OPCML: variants seen among roughly 807,000 people sequenced by gnomAD.
OPCML encodes opioid-binding protein/cell adhesion molecule.
OPCML carries 13 observed loss-of-function variants against 37.8 expected under a neutral mutation model. The observed-to-expected ratio is 0.34, with a 90% CI of 0.22 to 0.55. OPCML has a LOEUF of 0.55. Among genes scored for constraint, OPCML ranks in the 20% least tolerant of loss-of-function variants. The pLI, the probability that OPCML is intolerant of heterozygous loss-of-function variation, is 0.91. For synonymous variants in OPCML, 176 were observed against 168.8 expected, an observed-to-expected ratio of 1.04 and a Z score of -0.33; for missense variants, 341 against 435.6, an observed-to-expected ratio of 0.78 and a Z score of 1.93.
intron 1 of OPCML, among the ~76,000 whole-genome samples, chr11:133,043,368 C>G (rs1031357773): frequency 2.6e-5 from 4 of 152,174 alleles, no homozygotes; most frequent in African/African-American, 9.7e-5. Flanking sequence ...TTCTCATTAC[C>G]TCCGCCTTTG....
Position 133,006,740 on chromosome 11 carries a change from G to T in OPCML, c.62-63730C>A, listed in dbSNP as rs537830613. 1.2e-4 allele frequency: 117 copies of T among 985,430 alleles called. No homozygotes were observed. In the African/African-American group the frequency reaches 1.9e-3, roughly 16 times the overall value. 61.0% of individuals were successfully genotyped at this position (985,430 alleles called of 1,614,324 possible). On this transcript the variant is annotated intron_variant, in intron 1 of 7. Coordinates refer to ENST00000524381, the MANE Select transcript of OPCML (RefSeq NM_001012393.5). ...AGCACCTTTCTGCACTGTGAGGTGT[G>T]AACACCTAGACATTGGCCTGACAAC...
At chr11:132,790,700 G>A (rs569391515) in intron 2 of OPCML, among the ~76,000 whole-genome samples, 2 of 152,312 alleles carry the variant, frequency 1.3e-5, no homozygotes, top group South Asian at 2.1e-4. Context: ...TGCTGTAGCG[G>A]CAGATGCTAG....
chr11:133,387,505 T>G (rs1192826915), intron 1 of OPCML, among the ~76,000 whole-genome samples: 1 of 152,244 alleles, frequency 6.6e-6, no homozygotes, highest in Non-Finnish European at 1.5e-5. Context: ...GCTGCATCCC[T>G]TGCTACCAGA....
chr11:133,353,064 T>A (rs1944177454), intron 1 of OPCML, among the ~76,000 whole-genome samples: 1 of 152,346 alleles, frequency 6.6e-6, no homozygotes, highest in South Asian at 2.1e-4. Flanking sequence ...CATATTAAAA[T>A]TTTTTCAAAG....
chr11:132,711,752 A>G (rs1017020471), intron 2 of OPCML, among the ~76,000 whole-genome samples: 3 of 152,218 alleles, frequency 2.0e-5, no homozygotes, highest in Non-Finnish European at 4.4e-5. Flanking sequence ...GTACACACAC[A>G]TATATGGTGC....
At chr11:132,724,221 A>G (rs1274286255) in intron 2 of OPCML, among the ~76,000 whole-genome samples, 2 of 152,108 alleles carry the variant, frequency 1.3e-5, no homozygotes, top group African/African-American at 4.8e-5. Context: ...TCCCCAAAAC[A>G]TAAAGGACAC....
intron 1 of OPCML, among the ~76,000 whole-genome samples, chr11:133,209,170 T>A (rs1939246780): frequency 6.6e-6 from 1 of 152,238 alleles, no homozygotes; most frequent in Non-Finnish European, 1.5e-5. Flanking sequence ...AATTATTTGT[T>A]TGATGTCTAT....
At chr11:133,004,000 G>A in intron 1 of OPCML, 1 of 985,436 alleles carries the variant, frequency 1.0e-6, no homozygotes, top group Non-Finnish European at 1.2e-6. Context: ...CCCCGAGGAA[G>A]TGGCACACGT....
At chr11:133,165,300 A>G (rs977360933) in intron 1 of OPCML, among the ~76,000 whole-genome samples, 3 of 152,116 alleles carry the variant, frequency 2.0e-5, no homozygotes, top group African/African-American at 7.2e-5. Context: ...GGCCTTCTGC[A>G]GGGTCACGCT....
At position 132,508,441 on chromosome 11, in the gene OPCML, A is replaced by T. The variant is rs1004447525; in HGVS notation, c.505+20620T>A. Reference sequence around the variant, plus strand: ...AAAATCATTTCACATAATTAATCATATAATCATTTCAATGGATGCCAAAAA... The same window carrying T: ...AAAATCATTTCACATAATTAATCATTTAATCATTTCAATGGATGCCAAAAA... On this transcript the variant is annotated intron_variant, in intron 4 of 7. Transcript: ENST00000524381. 8.0e-5 allele frequency among the ~76,000 whole-genome samples: 12 copies of T among 150,206 alleles called. No homozygotes were observed. The Admixed American group carries it at 8.1e-4, about 10-fold the overall frequency.
chr11:132,799,278 G>T (rs1173243874), intron 2 of OPCML, among the ~76,000 whole-genome samples: 2 of 152,142 alleles, frequency 1.3e-5, no homozygotes, highest in African/African-American at 4.8e-5. Context: ...TGGATAACTT[G>T]CTGCAGCTTC....
chr11:132,479,375 T>G (rs565003291), intron 4 of OPCML, among the ~76,000 whole-genome samples: 1 of 152,190 alleles, frequency 6.6e-6, no homozygotes, highest in East Asian at 1.9e-4. Flanking sequence ...GAGGGTCCTA[T>G]GCCCACGGAA....
intron 7 of OPCML, among the ~76,000 whole-genome samples, chr11:132,427,117 A>T (rs1184179491): frequency 6.6e-6 from 1 of 152,222 alleles, no homozygotes; most frequent in Admixed American, 6.5e-5. Context: ...AATTCTACTA[A>T]AATGGCAGAT....
At chr11:132,650,292 A>C (rs991775209) in intron 3 of OPCML, among the ~76,000 whole-genome samples, 1 of 152,210 alleles carries the variant, frequency 6.6e-6, no homozygotes, top group Admixed American at 6.5e-5. Context: ...TTACTTTCAC[A>C]CCAACCTAGT....
chr11:133,090,405 G>A (rs978628733), intron 1 of OPCML, among the ~76,000 whole-genome samples: 10 of 152,184 alleles, frequency 6.6e-5, no homozygotes, highest in African/African-American at 2.4e-4. Context: ...TGAGGGCACA[G>A]AAGAAAAGAG....
At position 132,642,706 on chromosome 11, in the gene OPCML, C is replaced by T. The variant is rs943622273; in HGVS notation, c.379+14381G>A. ...TAGAGGGTTGCACCTTAATGCCCAA[C>T]CTCATGAAGAAGGTGGGGCATGCTT... On this transcript the variant is annotated intron_variant, in intron 3 of 7. Coordinates refer to ENST00000524381, the MANE Select transcript of OPCML (RefSeq NM_001012393.5). Among the ~76,000 whole-genome samples, 4 of 152,134 alleles carry T rather than the reference C, an allele frequency of 2.6e-5. No homozygotes were observed. The East Asian group carries it at 5.8e-4, about 22-fold the overall frequency.
At chr11:133,370,484 G>GGA (rs939087726) in intron 1 of OPCML, among the ~76,000 whole-genome samples, 3 of 86,090 alleles carry the variant, frequency 3.5e-5, no homozygotes, top group Admixed American at 2.3e-4. Flanking sequence ...AGCTCAAACA[G>GGA]AAAAAAAAAA....
intron 1 of OPCML, among the ~76,000 whole-genome samples, chr11:133,068,776 G>T (rs2137004722): frequency 6.6e-6 from 1 of 152,268 alleles, no homozygotes; most frequent in African/African-American, 2.4e-5. Context: ...CATCTTATTT[G>T]GTTGGGTTAG....
chr11:132,798,147 C>T (rs7950332), intron 2 of OPCML, among the ~76,000 whole-genome samples: 82,739 of 151,912 alleles, frequency 0.54, 23,295 homozygotes, highest in African/African-American at 0.66. Context: ...CTCGGCTCAC[C>T]GCAACCTCCG....
Sources: allele counts gnomAD v4.1 joint callset (sites outside exome capture counted in the v4.1 genomes callset), GRCh38; gene constraint gnomAD v4.1.1; transcripts MANE v1.5; gene names NCBI Gene and HGNC (gene_info 2026-07-23, HGNC 2026-07-21).